MTERF4: variants seen among roughly 807,000 people sequenced by gnomAD.
The protein encoded by MTERF4 is mitochondrial transcription termination factor 4, also known as transcription termination factor 4, mitochondrial.
MTERF4 carries 17 observed loss-of-function variants against 22.5 expected under a neutral mutation model. The ratio of observed to expected loss-of-function variants is 0.75; its 90% confidence interval spans 0.52 to 1.13. The LOEUF (loss-of-function observed/expected upper bound fraction) is 1.13, where lower values mean the gene tolerates loss of function less well. MTERF4 is among the 50% of genes most tolerant of loss of function. The pLI, the probability that MTERF4 is intolerant of heterozygous loss-of-function variation, is 0.00. For synonymous variants in MTERF4, 165 were observed against 175.3 expected, an observed-to-expected ratio of 0.94 and a Z score of 0.47; for missense variants, 420 against 466.8, an observed-to-expected ratio of 0.90 and a Z score of 0.92.
At chr2:241,064,729 C>T in the MTERF4 span, 1 of 700,962 alleles carries the variant, frequency 1.4e-6, no homozygotes, top group Non-Finnish European at 2.3e-6. The surrounding 1 kb of genome is among the most constrained non-coding windows in gnomAD (Gnocchi z 7.0). Context: ...GTCCTGTGCC[C>T]CCCGCCCCTC....
the MTERF4 span, among the ~76,000 whole-genome samples, chr2:241,064,327 A>T: frequency 2.7e-5 from 4 of 148,398 alleles, no homozygotes; most frequent in Non-Finnish European, 6.0e-5. This position sits in a 1 kb window ranked among gnomAD's most constrained non-coding sequence, Gnocchi z 7.0. Context: ...TGCCTTCTAA[A>T]CCTCCCCATC....
chr2:241,080,067 T>C (rs2063257184), intron 4 of MTERF4, among the ~76,000 whole-genome samples: 3 of 152,146 alleles, frequency 2.0e-5, no homozygotes. Context: ...GGCAGTTGAC[T>C]TGAGGTCAGG....
At chr2:241,074,040 T>G (rs1435640200) in exon 5 of MTERF4, 2 of 152,558 alleles carry the variant, frequency 1.3e-5, no homozygotes, top group Admixed American at 6.5e-5. Flanking sequence ...GGCTGTGTCC[T>G]CTATGGACAG....
At chr2:241,098,438 A>C (rs1316489569) in intron 2 of MTERF4, among the ~76,000 whole-genome samples, 1 of 152,260 alleles carries the variant, frequency 6.6e-6, no homozygotes, top group Non-Finnish European at 1.5e-5. Context: ...AAGAAATAAT[A>C]GTGGAACTCC....
chr2:241,088,434 C>G, downstream of MTERF4: 1 of 1,584,762 alleles, frequency 6.3e-7, no homozygotes, highest in Non-Finnish European at 8.7e-7. Context: ...CCCACTACCA[C>G]AGAGCTGCTG....
intron 4 of MTERF4, among the ~76,000 whole-genome samples, chr2:241,077,427 C>T (rs2063082045): frequency 6.6e-6 from 1 of 152,160 alleles, no homozygotes; most frequent in Non-Finnish European, 1.5e-5. Flanking sequence ...AACTACTCTT[C>T]ATCAAAACTT....
downstream of MTERF4, among the ~76,000 whole-genome samples, chr2:241,083,500 T>C (rs2063430891): frequency 1.3e-5 from 2 of 152,176 alleles, no homozygotes; most frequent in African/African-American, 4.8e-5. Flanking sequence ...AGAAGCTTCA[T>C]TAGAGCTTGG....
downstream of MTERF4, chr2:241,088,432 C>T: frequency 6.3e-7 from 1 of 1,589,824 alleles, no homozygotes; most frequent in Non-Finnish European, 8.6e-7. Context: ...GCCCCACTAC[C>T]ACAGAGCTGC....
downstream of MTERF4, chr2:241,069,102 C>T (rs2062592282): frequency 2.0e-6 from 2 of 988,074 alleles, no homozygotes; most frequent in Admixed American, 4.8e-5. The surrounding 1 kb of genome is among the most constrained non-coding windows in gnomAD (Gnocchi z 4.9). Context: ...CTCCCCTAGT[C>T]CTCTCCAAAG....
At chr2:241,053,168 C>T in the MTERF4 span, 2 of 1,610,606 alleles carry the variant, frequency 1.2e-6, no homozygotes, top group Non-Finnish European at 1.7e-6. Context: ...GACTGCGGCC[C>T]CCCGGAGGAG....
Position 241,096,103 on chromosome 2 carries a change from A to ATCG in MTERF4, c.1040_1041insCGA (p.Asp347dup). ...TGTCATCCTCATCATTGTCCTCCTC[A>ATCG]TCATCGTCATCCTCATCCTCATCCA... is the stretch of plus-strand genomic sequence containing the variant. On this transcript the variant is annotated inframe_insertion, in exon 4 of 4. Coordinates refer to ENST00000391980, the MANE Select transcript of MTERF4 (RefSeq NM_182501.4). This position sits in a 1 kb window ranked among gnomAD's most constrained non-coding sequence, Gnocchi z 5.1. 6.2e-7 allele frequency: 1 copy of ATCG among 1,603,482 alleles called. No individual in the cohort carries two copies. Among genetic ancestry groups the ATCG allele is most frequent in the Non-Finnish European group, 8.5e-7 (1 of 1,179,452 alleles).
the MTERF4 span, chr2:241,052,120 C>T: frequency 6.2e-7 from 1 of 1,613,922 alleles, no homozygotes; most frequent in Non-Finnish European, 8.5e-7. Flanking sequence ...ACAAGTGTGA[C>T]TGTCCCCCAG....
the MTERF4 span, chr2:241,053,157 G>T: frequency 6.2e-7 from 1 of 1,609,512 alleles, no homozygotes. Flanking sequence ...TTGCAGAGGT[G>T]GACTGCGGCC....
chr2:241,046,439 A>G, the MTERF4 span, among the ~76,000 whole-genome samples: 1 of 152,252 alleles, frequency 6.6e-6, no homozygotes. Flanking sequence ...CAAATTGTGG[A>G]ACCTCTGTAT....
At chr2:241,102,166 G>T in intron 1 of MTERF4, 87 bp downstream of exon 1, 5 of 1,538,544 alleles carry the variant, frequency 3.2e-6, no homozygotes, top group Non-Finnish European at 4.4e-6. Flanking sequence ...CGACCTGGCC[G>T]TGAAACACTC....
chr2:241,067,597 C>G (rs2125216035), downstream of MTERF4, among the ~76,000 whole-genome samples: 1 of 152,304 alleles, frequency 6.6e-6, no homozygotes, highest in South Asian at 2.1e-4. Flanking sequence ...AGGCCAGAGC[C>G]TGGGCATCCC....
In MTERF4 at chr2:241,073,735, C is replaced by T. The variant is rs938169407; in HGVS notation, n.2427G>A. The stretch of plus-strand genomic sequence containing the variant: ...CCTCACTTCTCCAAAGAGGAGCAGG[C>T]GGAGTCAGGATGGGAGAAGCAGAGG... On this transcript the variant is annotated non_coding_transcript_exon_variant, in exon 5 of 5. Transcript: ENST00000464344. The surrounding 1 kb of genome is among the most constrained non-coding windows in gnomAD (Gnocchi z 6.6). 1.2e-5 allele frequency: 5 copies of T among 405,938 alleles called. No homozygotes were observed. The highest frequency in any genetic ancestry group is 6.2e-4 in the Middle Eastern group (1 of 1,608). 25.1% of individuals were successfully genotyped at this position (405,938 alleles called of 1,614,324 possible).
downstream of MTERF4, chr2:241,094,708 A>C (rs546877864): frequency 3.4e-6 from 1 of 294,708 alleles, no homozygotes; most frequent in Non-Finnish European, 6.6e-6. The surrounding 1 kb of genome is among the most constrained non-coding windows in gnomAD (Gnocchi z 4.3). Context: ...CTCTTGTGGG[A>C]CCATCCTGTG....
chr2:241,099,983 C>T (rs1477713584), intron 1 of MTERF4, 89 bp from the exon 2 acceptor site: 2 of 1,459,554 alleles, frequency 1.4e-6, no homozygotes, highest in African/African-American at 2.8e-5. Context: ...GTACTTACTG[C>T]CTTGGTTCCA....
Sources: gnomAD v4.1 joint callset for allele counts (sites outside exome capture counted in the v4.1 genomes callset) on GRCh38, gnomAD v4.1.1 for gene constraint, Gnocchi (gnomAD v3.1) non-coding constraint, MANE v1.5 for transcripts, NCBI Gene and HGNC (gene_info 2026-07-23, HGNC 2026-07-21) for gene names.